Variants in FOXP2 observed in about 807,000 individuals in gnomAD.
The protein encoded by FOXP2 is forkhead box P2.
Under a neutral mutation model 115.8 loss-of-function variants are expected in FOXP2, and 12 were observed. The ratio of observed to expected loss-of-function variants is 0.10; its 90% CI spans 0.07 to 0.17. The LOEUF is 0.17. Among genes scored for constraint, FOXP2 ranks in the 10% least tolerant of loss-of-function variants. The pLI, the probability that FOXP2 is intolerant of heterozygous loss-of-function variation, is 1.00. For missense variants in FOXP2, 629 were observed against 843.5 expected, an observed-to-expected ratio of 0.75 and a Z score of 3.15; for synonymous variants, 328 against 297.7, an observed-to-expected ratio of 1.10 and a Z score of -1.05.
chr7:114,620,818 T>TA (rs1376706174), intron 3 of FOXP2, among the ~76,000 whole-genome samples: 5 of 152,028 alleles, frequency 3.3e-5, no homozygotes, highest in Admixed American at 6.6e-5. Flanking sequence ...TTTGCTTTCA[T>TA]AAAAAAATTG....
chr7:114,557,753 G>T (rs1800534504), intron 3 of FOXP2, among the ~76,000 whole-genome samples: 1 of 151,926 alleles, frequency 6.6e-6, no homozygotes, highest in Non-Finnish European at 1.5e-5. Flanking sequence ...CTCAAAAGCA[G>T]AATTTTGCAA....
At chr7:114,659,320 A>C in intron 11 of FOXP2, 36 bp from the exon 12 acceptor site, 3 of 1,353,368 alleles carry the variant, frequency 2.2e-6, no homozygotes, top group Non-Finnish European at 3.2e-6. Context: ...AATGTGAATT[A>C]TTAGCAGAAT....
chr7:114,492,887 T>C (rs1410499015), intron 2 of FOXP2, among the ~76,000 whole-genome samples: 1 of 152,212 alleles, frequency 6.6e-6, no homozygotes, highest in African/African-American at 2.4e-5. Context: ...ATGTATATTC[T>C]GTTGATTTGG....
chr7:114,361,500 T>G (rs1791744102), intron 2 of FOXP2, among the ~76,000 whole-genome samples: 1 of 152,128 alleles, frequency 6.6e-6, no homozygotes, highest in Non-Finnish European at 1.5e-5. Flanking sequence ...TATAATTTGT[T>G]CAGCCATAAT....
At chr7:114,543,304 T>G (rs1340177443) in intron 3 of FOXP2, among the ~76,000 whole-genome samples, 1 of 152,118 alleles carries the variant, frequency 6.6e-6, no homozygotes, top group Non-Finnish European at 1.5e-5. Flanking sequence ...AAGAACTAAT[T>G]ATAGTAGAAT....
chr7:114,353,615 A>G (rs1201311903), intron 2 of FOXP2, among the ~76,000 whole-genome samples: 4 of 152,236 alleles, frequency 2.6e-5, no homozygotes, highest in Admixed American at 6.5e-5. Flanking sequence ...TTTCTCTAAT[A>G]GCACTTTACT....
intron 2 of FOXP2, among the ~76,000 whole-genome samples, chr7:114,295,507 T>TAGA (rs541043790): frequency 7.2e-4 from 109 of 152,348 alleles, no homozygotes; most frequent in African/African-American, 2.5e-3. Flanking sequence ...GAAAATGCTG[T>TAGA]AGAAGAGATA....
At chr7:114,584,633 C>A (rs1364980285) in intron 3 of FOXP2, among the ~76,000 whole-genome samples, 1 of 152,126 alleles carries the variant, frequency 6.6e-6, no homozygotes, top group Non-Finnish European at 1.5e-5. Context: ...TGCTAACAGA[C>A]TCTCAAAAAT....
chr7:114,248,670 C>T (rs1265809095), intron 1 of FOXP2, among the ~76,000 whole-genome samples: 2 of 152,014 alleles, frequency 1.3e-5, no homozygotes, highest in East Asian at 1.9e-4. Flanking sequence ...TTAGTTTTAT[C>T]CTTGTCCTCA....
At chr7:114,392,857 C>G (rs1205342149) in intron 2 of FOXP2, among the ~76,000 whole-genome samples, 1 of 152,142 alleles carries the variant, frequency 6.6e-6, no homozygotes, top group Non-Finnish European at 1.5e-5. Context: ...TTGGTTAAGG[C>G]CTCATTCCAT....
At chr7:114,678,529 C>T (rs923713935) in intron 16 of FOXP2, among the ~76,000 whole-genome samples, 3 of 142,128 alleles carry the variant, frequency 2.1e-5, no homozygotes, top group African/African-American at 5.2e-5. Flanking sequence ...TGGTACTTCT[C>T]TCCGGAAATA....
intron 2 of FOXP2, among the ~76,000 whole-genome samples, chr7:114,394,059 G>A (rs1037705271): frequency 2.0e-5 from 3 of 150,746 alleles, no homozygotes; most frequent in South Asian, 2.1e-4. Flanking sequence ...GAAAGGTCCC[G>A]GAAACTGCAG....
chr7:114,468,788 T>A (rs1252027703), intron 2 of FOXP2, among the ~76,000 whole-genome samples: 1 of 152,200 alleles, frequency 6.6e-6, no homozygotes, highest in Non-Finnish European at 1.5e-5. Flanking sequence ...CAAACTACTG[T>A]GAGCTTTTTA....
chr7:114,642,649 A>G, intron 7 of FOXP2, 26 bp downstream of exon 7: 1 of 1,593,236 alleles, frequency 6.3e-7, no homozygotes, highest in Non-Finnish European at 8.6e-7. Flanking sequence ...TTTATTCTAT[A>G]TTTATCTATT....
intron 3 of FOXP2, among the ~76,000 whole-genome samples, chr7:114,569,062 A>G (rs533948612): frequency 1.5e-4 from 23 of 152,058 alleles, no homozygotes; most frequent in Non-Finnish European, 2.9e-4. Context: ...ATTTGGAGTT[A>G]TTGTGACAAT....
chr7:114,517,565 C>A (rs535160468), intron 2 of FOXP2, among the ~76,000 whole-genome samples: 20 of 152,222 alleles, frequency 1.3e-4, no homozygotes, highest in African/African-American at 4.3e-4. Flanking sequence ...TTTCCCTGTA[C>A]CATTTATGAA....
chr7:114,644,797 T>G lies in FOXP2; in HGVS notation c.1094+8T>G, dbSNP rs776004218. 7 of 1,610,746 alleles carry G rather than the reference T, an allele frequency of 4.3e-6. No homozygotes were observed. Among genetic ancestry groups the G allele is most frequent in the Non-Finnish European group, 5.9e-6 (7 of 1,177,400 alleles). On this transcript the variant is annotated splice_region_variant and intron_variant, in intron 8 of 16. Transcript: ENST00000350908. ...TTTTGGACAGTTTTTAAAGTAGGTT[T>G]TTTACTTTTTTTTGGTGGGGGGCGG... is the stretch of plus-strand genomic sequence containing the variant.
intron 1 of FOXP2, among the ~76,000 whole-genome samples, chr7:114,136,494 A>G (rs1198931064): frequency 1.3e-5 from 2 of 152,060 alleles, no homozygotes; most frequent in East Asian, 3.8e-4. Flanking sequence ...TTATTTATAT[A>G]GTGAAAGATT....
chr7:114,317,889 T>C (rs866802599), intron 2 of FOXP2, among the ~76,000 whole-genome samples: 1 of 152,074 alleles, frequency 6.6e-6, no homozygotes, highest in South Asian at 2.1e-4. Flanking sequence ...CTAAGTATGC[T>C]CCCACCTCGG....
Sources: gnomAD v4.1 joint callset for allele counts (sites outside exome capture counted in the v4.1 genomes callset) on GRCh38, gnomAD v4.1.1 for gene constraint, MANE v1.5 for transcripts, NCBI Gene and HGNC (gene_info 2026-07-23, HGNC 2026-07-21) for gene names.